TEKT3: variants seen among roughly 807,000 people sequenced by gnomAD.
TEKT3 encodes the protein tektin-3.
In TEKT3, 49 loss-of-function variants were observed where a neutral mutation model predicts 49.8. That is an observed-to-expected ratio of 0.98 (90% CI 0.78 to 1.25). TEKT3 has a LOEUF of 1.25. Ranked by LOEUF, TEKT3 falls within the 50% of genes most tolerant of loss-of-function variation. TEKT3 has a pLI of 0.00. For synonymous variants in TEKT3, 225 were observed against 237.2 expected, an observed-to-expected ratio of 0.95 and a Z score of 0.47; for missense variants, 595 against 629.5, an observed-to-expected ratio of 0.95 and a Z score of 0.59.
Position 15,304,632 on chromosome 17 carries a change from A to C in TEKT3, c.1257-480T>G, listed in dbSNP as rs1329108514. On this transcript the variant is annotated intron_variant, in intron 8 of 8. Transcript: ENST00000395930. The surrounding 1 kb of genome is among the most constrained non-coding windows in gnomAD (Gnocchi z 4.7). ...GGAAATTCAGCGCTTCAGTGGCCAT[A>C]ATAAGAAACTGGGTCCCATTTCCTG... Among the ~76,000 whole-genome samples the C allele has an allele frequency of 6.6e-6, 1 of 152,178 alleles. No homozygotes were observed. The highest frequency in any genetic ancestry group is 1.9e-4 in the East Asian group (1 of 5,190).
At chr17:15,325,587 C>A (rs80004349) in intron 4 of TEKT3, among the ~76,000 whole-genome samples, 3,827 of 152,236 alleles carry the variant, frequency 0.025, 69 homozygotes, top group Admixed American at 0.049. Flanking sequence ...TTTTTAAAAT[C>A]TTTGCCAGGT....
rs761399736 is a variant in TEKT3 at position 15,312,234 on chromosome 17, G to A, written c.1101+25C>T. The A allele has an allele frequency of 3.7e-6, 6 of 1,610,000 alleles. No individual in the cohort carries two copies. In the African/African-American group the frequency reaches 8.0e-5, roughly 22 times the overall value. Reference sequence around the variant, plus strand: ...ACACCGCTCTGTCCAGGTCAGCTAAGGGGTACCACTGGCGGTTGATTTACC... The same window carrying A: ...ACACCGCTCTGTCCAGGTCAGCTAAAGGGTACCACTGGCGGTTGATTTACC... On this transcript the variant is annotated intron_variant, in intron 7 of 8. Transcript: ENST00000395930.
intron 2 of TEKT3, among the ~76,000 whole-genome samples, chr17:15,335,475 G>C (rs1293571899): frequency 7.9e-5 from 12 of 151,752 alleles, no homozygotes; most frequent in Non-Finnish European, 8.8e-5. Flanking sequence ...ACACTAGAGA[G>C]GCCACACGTT....
At chr17:15,335,551 C>G (rs999301603) in intron 2 of TEKT3, among the ~76,000 whole-genome samples, 1 of 152,154 alleles carries the variant, frequency 6.6e-6, no homozygotes, top group Non-Finnish European at 1.5e-5. Context: ...AGCTTGAAAA[C>G]AGGTCTCAAA....
At chr17:15,327,145 G>C (rs778707081) in intron 4 of TEKT3, among the ~76,000 whole-genome samples, 13 of 146,746 alleles carry the variant, frequency 8.9e-5, no homozygotes, top group Non-Finnish European at 1.6e-4. Flanking sequence ...CTATATAAGA[G>C]ATGATTGATT....
chr17:15,313,872 A>G (rs754516845), intron 6 of TEKT3, among the ~76,000 whole-genome samples: 5 of 152,196 alleles, frequency 3.3e-5, no homozygotes, highest in Non-Finnish European at 7.3e-5. Flanking sequence ...AAATATAAGT[A>G]ACAAATATTA....
chr17:15,336,321 A>C (rs2150754495), intron 2 of TEKT3, among the ~76,000 whole-genome samples: 1 of 152,352 alleles, frequency 6.6e-6, no homozygotes, highest in South Asian at 2.1e-4. Flanking sequence ...ACATTTTAAA[A>C]GGGCTGGAAG....
At chr17:15,309,142 C>T (rs564658390) in intron 7 of TEKT3, among the ~76,000 whole-genome samples, 2 of 152,252 alleles carry the variant, frequency 1.3e-5, no homozygotes, top group East Asian at 1.9e-4. Flanking sequence ...AAATTAGGGG[C>T]TCCCTGCAAG....
chr17:15,315,449 A>G (rs1297841170), intron 5 of TEKT3, among the ~76,000 whole-genome samples: 1 of 152,190 alleles, frequency 6.6e-6, no homozygotes, highest in Non-Finnish European at 1.5e-5. Flanking sequence ...TTAGGGGGCC[A>G]CTGCAGTTAC....
At chr17:15,306,089 A>ATATATATATGTG (rs1291765039) in intron 8 of TEKT3, among the ~76,000 whole-genome samples, 11 of 144,410 alleles carry the variant, frequency 7.6e-5, no homozygotes, top group African/African-American at 2.6e-4. Context: ...ATTTATATAT[A>ATATATATATGTG]TGTGTGTGTG....
At chr17:15,314,440 T>G (rs1252308235) in intron 5 of TEKT3, among the ~76,000 whole-genome samples, 3 of 152,188 alleles carry the variant, frequency 2.0e-5, no homozygotes. Context: ...CCACCTTGTC[T>G]ACACTTCTCC....
chr17:15,332,490 A>C (rs1300334438), intron 2 of TEKT3, among the ~76,000 whole-genome samples: 3 of 152,232 alleles, frequency 2.0e-5, no homozygotes, highest in African/African-American at 7.2e-5. Context: ...CAGTGGTAGC[A>C]GCAGGGAATT....
rs745917092 is a variant in TEKT3, at chr17:15,312,375, A to C, written c.985T>G (p.Leu329Val). Residue 329 changes from leucine to valine, a missense_variant, in exon 7 of 9, where the codon TTG becomes GTG. Physicochemically the swap from Leu to Val is conservative, Grantham distance 32. Coordinates refer to ENST00000395930, the MANE Select transcript of TEKT3 (RefSeq NM_031898.3). Reference sequence around the variant, plus strand: ...CACATCTCATTGGCAGTCACAACCAAGAGGTTTTCAATGTCGTCTCTTAGC... The same window carrying C: ...CACATCTCATTGGCAGTCACAACCACGAGGTTTTCAATGTCGTCTCTTAGC... Reference protein sequence around the residue: ...AKLRDDIENLLVVTANEMWNQ... With the variant: ...AKLRDDIENLVVVTANEMWNQ... The C allele has an allele frequency of 1.9e-6, 3 of 1,614,228 alleles. No homozygotes were observed. In the South Asian group the frequency reaches 3.3e-5, roughly 18 times the overall value.
At chr17:15,316,269 G>A (rs937052207) in intron 5 of TEKT3, among the ~76,000 whole-genome samples, 2 of 152,186 alleles carry the variant, frequency 1.3e-5, no homozygotes, top group Non-Finnish European at 2.9e-5. Context: ...GGGCTGAAAT[G>A]TTCATGAAGC....
Position 15,331,450 on chromosome 17 carries a change from G to A in TEKT3, c.136C>T (p.Leu46=). The change falls in exon 3 of 9, where the codon CTG becomes TTG. Residue 46 remains leucine (L), a synonymous_variant. Coordinates refer to ENST00000395930, the MANE Select transcript of TEKT3 (RefSeq NM_031898.3). ...RFPHSNLTHS[L]SLPWRPSTYY... Reference sequence around the variant, plus strand: ...GTGCTGGGTCTCCAAGGAAGGCTCAGGCTATGGGTCAAATTGGAGTGGGGA... The same window carrying A: ...GTGCTGGGTCTCCAAGGAAGGCTCAAGCTATGGGTCAAATTGGAGTGGGGA... 6.2e-7 allele frequency: 1 copy of A among 1,614,134 alleles called. No individual in the cohort carries two copies. Among genetic ancestry groups the A allele is most frequent in the Non-Finnish European group, 8.5e-7 (1 of 1,180,030 alleles).
chr17:15,310,516 G>A (rs1309681961), intron 7 of TEKT3, among the ~76,000 whole-genome samples: 2 of 152,232 alleles, frequency 1.3e-5, no homozygotes, highest in East Asian at 3.9e-4. Flanking sequence ...CACACAGAGG[G>A]AAAATGATGT....
chr17:15,311,560 T>C (rs976069498), intron 7 of TEKT3: 4 of 152,236 alleles, frequency 2.6e-5, no homozygotes, highest in African/African-American at 9.6e-5. Context: ...ATATGCTCGC[T>C]CATTACCCTG....
At chr17:15,322,209 A>G (rs1354489116) in intron 4 of TEKT3, among the ~76,000 whole-genome samples, 2 of 152,238 alleles carry the variant, frequency 1.3e-5, no homozygotes, top group East Asian at 3.8e-4. Context: ...CTTGTACCCC[A>G]TGAATATATA....
intron 6 of TEKT3, 39 bp downstream of exon 6, chr17:15,314,048 T>G: frequency 6.2e-7 from 1 of 1,613,740 alleles, no homozygotes; most frequent in Admixed American, 1.7e-5. Context: ...AAGAGTTAAA[T>G]GACATCGAAA....
Sources: gnomAD v4.1 joint callset for allele counts (sites outside exome capture counted in the v4.1 genomes callset) on GRCh38, gnomAD v4.1.1 for gene constraint, Gnocchi (gnomAD v3.1) non-coding constraint, MANE v1.5 for transcripts, NCBI Gene and HGNC (gene_info 2026-07-23, HGNC 2026-07-21) for gene names.